The following XIRP2 variants were observed in gnomAD, a reference collection of about 807,000 sequenced individuals.
The protein encoded by XIRP2 is xin actin-binding repeat-containing protein 2.
A neutral mutation model predicts 277.0 loss-of-function variants in XIRP2; 236 were observed. The observed-to-expected ratio is 0.85, with a 90% CI of 0.77 to 0.95. The LOEUF is 0.95. XIRP2 is among the 40% of genes least tolerant of loss of function. The pLI is 0.00. For missense variants in XIRP2, 4,640 were observed against 4,157.5 expected (o/e 1.12, Z -3.19); for synonymous variants, 1,490 against 1,416.5 (o/e 1.05, Z -1.17).
chr2:167,196,441 TGTGTG>T (rs1693516666), intron 3 of XIRP2, among the ~76,000 whole-genome samples: 2 of 151,506 alleles, frequency 1.3e-5, no homozygotes, highest in African/African-American at 4.8e-5. Flanking sequence ...TGTGTGTGTG[TGTGTG>T]TGTGTAGACT....
At chr2:167,047,515 G>T (rs1043432328) in intron 2 of XIRP2, among the ~76,000 whole-genome samples, 3 of 151,860 alleles carry the variant, frequency 2.0e-5, no homozygotes, top group African/African-American at 7.2e-5. Context: ...TAAATTTAAT[G>T]CAACCTAAAT....
intron 10 of XIRP2, 33 bp from the exon 11 acceptor site, chr2:167,257,824 C>A: frequency 6.5e-7 from 1 of 1,547,008 alleles, no homozygotes; most frequent in Non-Finnish European, 8.7e-7. Flanking sequence ...ACAGTAAATA[C>A]GAACTGCTAA....
At chr2:167,110,078 T>C (rs1012424271) in intron 2 of XIRP2, among the ~76,000 whole-genome samples, 5 of 152,206 alleles carry the variant, frequency 3.3e-5, no homozygotes, top group African/African-American at 1.2e-4. Context: ...TATTAGACCT[T>C]TGTTGGATGC....
chr2:166,935,616 T>C (rs530215257), intron 2 of XIRP2, among the ~76,000 whole-genome samples: 2 of 152,294 alleles, frequency 1.3e-5, no homozygotes, highest in African/African-American at 4.8e-5. Flanking sequence ...CCTGTGTCCA[T>C]GTGTTCTCAT....
chr2:167,155,488 A>G (rs1692165226), intron 3 of XIRP2, among the ~76,000 whole-genome samples: 2 of 151,736 alleles, frequency 1.3e-5, no homozygotes, highest in Admixed American at 1.3e-4. Flanking sequence ...AGAACCAAAG[A>G]CAAAAACCAC....
intron 2 of XIRP2, among the ~76,000 whole-genome samples, chr2:166,905,906 A>G (rs919674627): frequency 4.6e-5 from 7 of 152,110 alleles, no homozygotes; most frequent in African/African-American, 1.7e-4. Context: ...CCCATAGCAT[A>G]TTGATTACAT....
chr2:166,945,110 T>C (rs1362062648), intron 2 of XIRP2, among the ~76,000 whole-genome samples: 1 of 152,122 alleles, frequency 6.6e-6, no homozygotes, highest in Non-Finnish European at 1.5e-5. Flanking sequence ...AGGCTCAGGA[T>C]ACTGACCTCA....
At chr2:167,121,971 G>T (rs1304336280) in intron 2 of XIRP2, among the ~76,000 whole-genome samples, 2 of 152,134 alleles carry the variant, frequency 1.3e-5, no homozygotes, top group Admixed American at 6.6e-5. Context: ...ATAGCAGCAT[G>T]TTGTATTTTT....
At chr2:167,129,252 A>G (rs560339670) in intron 2 of XIRP2, among the ~76,000 whole-genome samples, 21 of 152,324 alleles carry the variant, frequency 1.4e-4, no homozygotes, top group African/African-American at 5.0e-4. Context: ...TAAAGGTAAG[A>G]ACCCACTGAG....
rs1433181541 is a variant in XIRP2 at position 167,248,352 on chromosome 2, T to C, written c.6960T>C (p.Pro2320=). 2.5e-6 allele frequency: 4 copies of C among 1,613,548 alleles called. No homozygotes were observed. The South Asian group carries it at 3.3e-5, about 13-fold the overall frequency. The change falls in exon 9 of 11, where the codon CCT becomes CCC. Residue 2320 remains proline (P), a synonymous_variant. Coordinates refer to ENST00000409195, the MANE Select transcript of XIRP2 (RefSeq NM_152381.6). Reference sequence around the variant, plus strand: ...CTCCACCTCCTTTGATGATGTTTCCTGAAAAAAATGGGTTTCTTCCCTCAC... The same window carrying C: ...CTCCACCTCCTTTGATGATGTTTCCCGAAAAAAATGGGTTTCTTCCCTCAC... ...LPPPPPLMMF[P]EKNGFLPSLS... is the part of the protein sequence containing the mutation.
At chr2:167,042,142 G>A (rs1182906331) in intron 2 of XIRP2, among the ~76,000 whole-genome samples, 1 of 152,184 alleles carries the variant, frequency 6.6e-6, no homozygotes, top group Non-Finnish European at 1.5e-5. Context: ...ACAGTGCTAA[G>A]GGAATTCATT....
intron 2 of XIRP2, among the ~76,000 whole-genome samples, chr2:167,009,025 T>C (rs1386101634): frequency 6.6e-6 from 1 of 151,418 alleles, no homozygotes; most frequent in African/African-American, 2.4e-5. Context: ...TAGCCACTGC[T>C]GCAACTTCCT....
intron 2 of XIRP2, among the ~76,000 whole-genome samples, chr2:167,024,811 A>G (rs1688102235): frequency 6.6e-6 from 1 of 152,080 alleles, no homozygotes; most frequent in African/African-American, 2.4e-5. Context: ...AGCCCACTTG[A>G]TCATGGTGGA....
intron 2 of XIRP2, among the ~76,000 whole-genome samples, chr2:166,909,521 G>A (rs965579268): frequency 1.3e-5 from 2 of 152,214 alleles, no homozygotes; most frequent in Non-Finnish European, 2.9e-5. Context: ...TTTGGGCTGA[G>A]ACAGTGGGGT....
intron 3 of XIRP2, chr2:167,187,153 C>T (rs976719631): frequency 2.1e-5 from 15 of 702,970 alleles, no homozygotes; most frequent in Admixed American, 6.3e-5. Flanking sequence ...GGCTGGTGGT[C>T]GTGGCTGTGG....
chr2:167,176,067 G>A (rs987921300), intron 3 of XIRP2, among the ~76,000 whole-genome samples: 1 of 152,134 alleles, frequency 6.6e-6, no homozygotes. Flanking sequence ...ATGGGGGTGG[G>A]ATCTGCTGAG....
chr2:167,120,745 T>C (rs990099280), intron 2 of XIRP2, among the ~76,000 whole-genome samples: 1 of 152,162 alleles, frequency 6.6e-6, no homozygotes, highest in African/African-American at 2.4e-5. Flanking sequence ...CAGCATGACA[T>C]AATTAGCTCA....
At chr2:167,201,379 G>C (rs1693714731) in intron 3 of XIRP2, among the ~76,000 whole-genome samples, 1 of 150,254 alleles carries the variant, frequency 6.7e-6, no homozygotes, top group Non-Finnish European at 1.5e-5. Flanking sequence ...AGGAAGGGCA[G>C]GAACGGTACC....
intron 2 of XIRP2, among the ~76,000 whole-genome samples, chr2:167,068,572 T>C (rs774224163): frequency 1.2e-4 from 19 of 152,138 alleles, no homozygotes; most frequent in Non-Finnish European, 2.1e-4. Flanking sequence ...TTAGGCTTTG[T>C]AGGCCACATA....
Sources: allele counts gnomAD v4.1 joint callset (sites outside exome capture counted in the v4.1 genomes callset), GRCh38; gene constraint gnomAD v4.1.1; transcripts MANE v1.5; gene names NCBI Gene and HGNC (gene_info 2026-07-23, HGNC 2026-07-21).